ENO4: variants seen among roughly 807,000 people sequenced by gnomAD.
ENO4 encodes the protein 2-phospho-D-glycerate hydro-lyase.
Under a neutral mutation model 63.2 loss-of-function variants are expected in ENO4, and 53 were observed. That is an observed-to-expected ratio of 0.84 (90% CI 0.67 to 1.05). ENO4 has a LOEUF of 1.05. ENO4 is among the 50% of genes least tolerant of loss of function. The pLI is 0.00. For missense variants in ENO4, 719 were observed against 772.0 expected (o/e 0.93, Z 0.81); for synonymous variants, 266 against 283.8 (o/e 0.94, Z 0.63).
rs1467963035 is a variant in ENO4 at position 116,849,544 on chromosome 10, G to A, written c.-23G>A. ...CTCGTGGGACCCCAGGCTAAACCCC[G>A]CTGTAGCCTTAAATCTCCTACCATG... On this transcript the variant is annotated 5_prime_UTR_variant, in exon 1 of 14. Transcript: ENST00000341276. 56 of 1,510,068 alleles carry A rather than the reference G, an allele frequency of 3.7e-5. No homozygotes were observed. The highest frequency in any genetic ancestry group is 4.8e-5 in the Non-Finnish European group (54 of 1,127,034). 93.5% of individuals were successfully genotyped at this position (1,510,068 alleles called of 1,614,324 possible).
At chr10:116,871,030 G>A in intron 8 of ENO4, 95 bp from the exon 9 acceptor site, 1 of 1,065,228 alleles carries the variant, frequency 9.4e-7, no homozygotes, top group South Asian at 1.6e-5. Context: ...GATCTTTGCA[G>A]AGCTATATCT....
intron 10 of ENO4, among the ~76,000 whole-genome samples, chr10:116,908,424 C>T (rs1848059053): frequency 1.3e-5 from 2 of 152,110 alleles, no homozygotes; most frequent in South Asian, 4.2e-4. Flanking sequence ...TAAGGTATGA[C>T]CAATACTGAC....
At position 116,868,709 on chromosome 10, in the gene ENO4, A is replaced by C; in HGVS notation, c.1047+3A>C. 11 of 1,549,162 alleles carry C rather than the reference A, an allele frequency of 7.1e-6. No homozygotes were observed. Among genetic ancestry groups the C allele is most frequent in the Non-Finnish European group, 9.6e-6 (11 of 1,145,700 alleles). Reference sequence around the variant, plus strand: ...ACGATGGAAGCAAAAGAGGTCAAGTAAGTCTATATATTGTTTACCATCCTT... The same window carrying C: ...ACGATGGAAGCAAAAGAGGTCAAGTCAGTCTATATATTGTTTACCATCCTT... On this transcript the variant is annotated splice_donor_region_variant and intron_variant, in intron 8 of 13. Coordinates refer to ENST00000341276, the MANE Select transcript of ENO4 (RefSeq NM_001242699.2).
rs1311755308 is a variant in ENO4 at position 116,899,546 on chromosome 10, T to TGTGTGTGTGTGA, written c.1195-11952_1195-11951insTGTGTGTGTGAG. Among the ~76,000 whole-genome samples, 158 of 123,886 alleles carry TGTGTGTGTGTGA rather than the reference T, an allele frequency of 1.3e-3. 1 individual carries two copies. The highest frequency in any genetic ancestry group is 4.5e-3 in the African/African-American group (156 of 34,440). The allele number at this position is 123,886 out of a possible 152,430, so 81.3% of individuals were successfully genotyped here. ...GTGTGTGTGTGTGTGTGTGTGTGTGTGAGAGAGTGCATGCATACATATGTT... is the reference window on the plus strand; with the variant it reads ...GTGTGTGTGTGTGTGTGTGTGTGTGTGTGTGTGTGTGAGAGAGAGTGCATGCATACATATGTT... On this transcript the variant is annotated intron_variant, in intron 10 of 10. Transcript: ENST00000369207.
At chr10:116,896,320 T>A (rs1032248639) in intron 10 of ENO4, among the ~76,000 whole-genome samples, 4 of 152,196 alleles carry the variant, frequency 2.6e-5, no homozygotes, top group Non-Finnish European at 4.4e-5. Context: ...TTTTCTTATT[T>A]ATTGCTTGAC....
At chr10:116,873,332 C>T (rs1285394965) in intron 9 of ENO4, among the ~76,000 whole-genome samples, 2 of 152,196 alleles carry the variant, frequency 1.3e-5, no homozygotes, top group Non-Finnish European at 2.9e-5. Context: ...CACTCTGTTG[C>T]ATTCCACCTC....
At chr10:116,894,332 T>G (rs1331617772) in intron 10 of ENO4, among the ~76,000 whole-genome samples, 1 of 152,212 alleles carries the variant, frequency 6.6e-6, no homozygotes, top group African/African-American at 2.4e-5. Flanking sequence ...TGAAGTCTTA[T>G]AATTGCCACA....
rs1434478334 is a variant in ENO4, at chr10:116,876,166, A to T, written c.1443A>T (p.Gly481=). The change falls in exon 11 of 14, where the codon GGA becomes GGT. Residue 481 remains glycine (G), a synonymous_variant. Coordinates refer to ENST00000341276, the MANE Select transcript of ENO4 (RefSeq NM_001242699.2). The part of the protein sequence containing the change: ...SKSISKLLEQ[G]NISIPKSNGL... Reference sequence around the variant, plus strand: ...GCATTTCTAAACTTCTAGAGCAAGGAAACATCAGCATCCCCAAATCCAATG... The same window carrying T: ...GCATTTCTAAACTTCTAGAGCAAGGTAACATCAGCATCCCCAAATCCAATG... 8.4e-6 allele frequency: 13 copies of T among 1,550,648 alleles called. No homozygotes were observed. Among genetic ancestry groups the T allele is most frequent in the African/African-American group, 2.7e-5 (2 of 73,064 alleles).
intron 9 of ENO4, among the ~76,000 whole-genome samples, chr10:116,872,306 G>A (rs745922120): frequency 1.6e-4 from 24 of 152,154 alleles, no homozygotes; most frequent in Non-Finnish European, 3.2e-4. Context: ...TTAGTTTTCT[G>A]TCTTACACAT....
intron 10 of ENO4, among the ~76,000 whole-genome samples, chr10:116,909,121 G>C (rs544361626): frequency 6.6e-6 from 1 of 152,282 alleles, no homozygotes; most frequent in South Asian, 2.1e-4. Flanking sequence ...ATAGAAAAGA[G>C]AATTCAAATT....
intron 3 of ENO4, among the ~76,000 whole-genome samples, chr10:116,857,940 A>C (rs1330185228): frequency 6.6e-6 from 1 of 152,186 alleles, no homozygotes; most frequent in Non-Finnish European, 1.5e-5. Context: ...CCCAGCCAAG[A>C]AACTTTTTTG....
At chr10:116,883,739 G>C (rs1164442334), downstream of ENO4, 1 of 154,918 alleles carries the variant, frequency 6.5e-6, no homozygotes, top group Middle Eastern at 3.4e-3. Flanking sequence ...TAGAGCCAAA[G>C]CATCCATCCT....
rs200148824 is a variant in ENO4, at chr10:116,879,342, A to G, written c.1589A>G (p.Asp530Gly). ...AGTACAGAAGGAGAATCATCTGATG[A>G]CAGCCTTGTCGATTTGGTAAGTGCT... is the stretch of plus-strand genomic sequence containing the variant. ...FGSTEGESSDDSLVDLAVGLG... is the reference protein window; with the variant it reads ...FGSTEGESSDGSLVDLAVGLG... Residue 530 changes from aspartate (D) to glycine (G), a missense_variant, in exon 12 of 14, where the codon GAC (aspartate) becomes GGC (glycine). Coordinates refer to ENST00000341276, the MANE Select transcript of ENO4 (RefSeq NM_001242699.2). 1 of 1,550,104 alleles carries G rather than the reference A, an allele frequency of 6.5e-7. No homozygotes were observed. Among genetic ancestry groups the G allele is most frequent in the Non-Finnish European group, 8.7e-7 (1 of 1,146,670 alleles).
chr10:116,857,180 A>G (rs1564844762), intron 3 of ENO4, among the ~76,000 whole-genome samples: 2 of 152,138 alleles, frequency 1.3e-5, no homozygotes, highest in Admixed American at 1.3e-4. Flanking sequence ...TTACTATGTA[A>G]CACTACATAG....
At position 116,880,131 on chromosome 10, in the gene ENO4, G is replaced by C. The variant is rs1187893883; in HGVS notation, c.1723+145G>C. The C allele has an allele frequency of 5.1e-6, 3 of 586,194 alleles. No homozygotes were observed. The African/African-American group carries it at 5.7e-5, about 11-fold the overall frequency. 36.3% of individuals were successfully genotyped at this position (586,194 alleles called of 1,614,324 possible). On this transcript the variant is annotated intron_variant, in intron 13 of 13. Coordinates refer to ENST00000341276, the MANE Select transcript of ENO4 (RefSeq NM_001242699.2). ...TGCTGACAAAACTAGGATGGCACTT[G>C]CCACAATGTATATTGTTGTCTTAAT...
intron 7 of ENO4, among the ~76,000 whole-genome samples, chr10:116,866,795 A>G (rs1334657701): frequency 6.6e-6 from 1 of 151,070 alleles, no homozygotes; most frequent in African/African-American, 2.4e-5. Context: ...ACAGAGGGAG[A>G]TCCTGTCCCA....
downstream of ENO4, chr10:116,884,172 G>T (rs1847099838): frequency 1.3e-5 from 6 of 454,664 alleles, no homozygotes; most frequent in Admixed American, 1.2e-4. Context: ...TGTAAGTTTT[G>T]TGTGTGCAAT....
chr10:116,893,106 T>G (rs763447856), intron 10 of ENO4, among the ~76,000 whole-genome samples: 7 of 152,196 alleles, frequency 4.6e-5, no homozygotes, highest in Admixed American at 2.0e-4. Context: ...TTACACTAGG[T>G]GTAATACATC....
At chr10:116,890,998 G>A (rs1847327177) in intron 10 of ENO4, among the ~76,000 whole-genome samples, 1 of 152,092 alleles carries the variant, frequency 6.6e-6, no homozygotes, top group Admixed American at 6.5e-5. Context: ...CTAACATTTC[G>A]GCTGCAATTC....
Sources: allele counts gnomAD v4.1 joint callset (sites outside exome capture counted in the v4.1 genomes callset), GRCh38; gene constraint gnomAD v4.1.1; transcripts MANE v1.5; gene names NCBI Gene and HGNC (gene_info 2026-07-23, HGNC 2026-07-21).